TBC1D1: variants seen among roughly 807,000 people sequenced by gnomAD.
The protein encoded by TBC1D1 is TBC1 domain family member 1, also known as TBC1 (tre-2/USP6, BUB2, cdc16) domain family, member 1.
TBC1D1 carries 89 observed loss-of-function variants against 125.6 expected under a neutral mutation model. The ratio of observed to expected loss-of-function variants is 0.71; its 90% CI spans 0.60 to 0.85. The LOEUF (loss-of-function observed/expected upper bound fraction) is 0.85. Ranked by LOEUF, TBC1D1 falls within the 40% of genes least tolerant of loss-of-function variation. TBC1D1 has a pLI of 0.00. For synonymous variants in TBC1D1, 565 were observed against 564.1 expected (o/e 1.00, Z -0.02); for missense variants, 1,377 against 1,469.2 (o/e 0.94, Z 1.03).
At chr4:37,894,242 C>T (rs1714062708) in intron 1 of TBC1D1, among the ~76,000 whole-genome samples, 1 of 152,156 alleles carries the variant, frequency 6.6e-6, no homozygotes, top group Non-Finnish European at 1.5e-5. Flanking sequence ...CCGCCTTGGC[C>T]TCCCAAAGTG....
chr4:37,942,461 G>C (rs1007314443), intron 2 of TBC1D1, among the ~76,000 whole-genome samples: 1 of 152,026 alleles, frequency 6.6e-6, no homozygotes, highest in African/African-American at 2.4e-5. Context: ...ACACTGATGG[G>C]TCTTGACTCT....
chr4:38,074,827 T>C (rs940567504), intron 12 of TBC1D1, among the ~76,000 whole-genome samples: 2 of 151,606 alleles, frequency 1.3e-5, no homozygotes, highest in Non-Finnish European at 2.9e-5. Context: ...AGTGGCCCAA[T>C]CTTGGCTCGC....
chr4:38,087,002 A>G (rs1178886438), intron 12 of TBC1D1, among the ~76,000 whole-genome samples: 3 of 152,168 alleles, frequency 2.0e-5, no homozygotes, highest in African/African-American at 7.2e-5. Context: ...TGGCCAAGTT[A>G]TAAAACCTCA....
intron 17 of TBC1D1, 171 bp downstream of exon 19, chr4:38,118,363 T>G: frequency 1.5e-6 from 1 of 687,898 alleles, no homozygotes; most frequent in South Asian, 1.9e-5. Context: ...TTTGGAGTCC[T>G]CCTTAACTTC....
intron 2 of TBC1D1, among the ~76,000 whole-genome samples, chr4:37,968,692 G>A (rs977502271): frequency 6.6e-6 from 1 of 152,104 alleles, no homozygotes; most frequent in African/African-American, 2.4e-5. Context: ...CAAATACTCC[G>A]TCTTGTCACC....
chr4:38,131,021 A>G lies in TBC1D1; in HGVS notation c.3133-2063A>G, dbSNP rs114224695. ...TGACCAGGGTTCTCCTTTGACCACC[A>G]GCCTCATATTGCCATGGTTTGGGGT... is the stretch of plus-strand genomic sequence containing the variant. On this transcript the variant is annotated intron_variant, in intron 18 of 19. Coordinates refer to ENST00000261439, the MANE Select transcript of TBC1D1 (RefSeq NM_015173.4). Among the ~76,000 whole-genome samples, 980 of 152,262 alleles carry G rather than the reference A, an allele frequency of 6.4e-3. 10 individuals carry two copies. Among genetic ancestry groups the G allele is most frequent in the African/African-American group, 0.022 (917 of 41,554 alleles).
chr4:37,898,769 G>A (rs933117207), intron 1 of TBC1D1, among the ~76,000 whole-genome samples: 1 of 152,176 alleles, frequency 6.6e-6, no homozygotes, highest in Admixed American at 6.6e-5. Context: ...GCGGGCTAAC[G>A]TGTTAGTTTG....
chr4:38,121,602 C>G (rs1468274084), intron 17 of TBC1D1, among the ~76,000 whole-genome samples: 1 of 152,222 alleles, frequency 6.6e-6, no homozygotes, highest in Non-Finnish European at 1.5e-5. Context: ...GCTACTGCCT[C>G]ACTGCGCTGG....
chr4:38,018,508 T>G, intron 4 of TBC1D1, 65 bp downstream of exon 4: 2 of 1,043,660 alleles, frequency 1.9e-6, no homozygotes, highest in Non-Finnish European at 2.9e-6. Flanking sequence ...CTATAATATC[T>G]ATCATGTAAC....
chr4:38,115,677 T>C (rs537383862), intron 15 of TBC1D1, 33 bp from the exon 18 acceptor site: 1 of 1,574,440 alleles, frequency 6.4e-7, no homozygotes, highest in South Asian at 1.2e-5. Flanking sequence ...TTTTTGTTTT[T>C]ATTATTACAA....
intron 13 of TBC1D1, among the ~76,000 whole-genome samples, chr4:38,094,754 G>A (rs1429767891): frequency 6.6e-6 from 1 of 152,054 alleles, no homozygotes; most frequent in African/African-American, 2.4e-5. Context: ...AGGAACGTAC[G>A]TTGGCATCCA....
chr4:37,986,242 C>T (rs1216745962), intron 2 of TBC1D1, among the ~76,000 whole-genome samples: 1 of 151,980 alleles, frequency 6.6e-6, no homozygotes, highest in Non-Finnish European at 1.5e-5. Context: ...GAACTGACAC[C>T]CAGAGCGATG....
At chr4:37,972,503 T>C (rs1022397524) in intron 2 of TBC1D1, among the ~76,000 whole-genome samples, 6 of 136,124 alleles carry the variant, frequency 4.4e-5, no homozygotes, top group Non-Finnish European at 9.5e-5. Context: ...AAAAAAAAGA[T>C]TACTGATGCC....
chr4:37,965,296 T>A (rs1336828489), intron 2 of TBC1D1, among the ~76,000 whole-genome samples: 1 of 152,202 alleles, frequency 6.6e-6, no homozygotes, highest in African/African-American at 2.4e-5. Flanking sequence ...CTGTAAATGC[T>A]TTGAACCATG....
Position 38,027,896 on chromosome 4 carries a change from A to C in TBC1D1, c.1302+17A>C. 3 of 1,537,272 alleles carry C rather than the reference A, an allele frequency of 2.0e-6. No homozygotes were observed. The highest frequency in any genetic ancestry group is 2.3e-5 in the East Asian group (1 of 42,966). ...GAGGTTCAGGTACAGTACAGTTGCT[A>C]ATTTCTAGAAGGAAAGAAAAGGCAG... On this transcript the variant is annotated intron_variant, in intron 7 of 19. Transcript: ENST00000261439.
chr4:38,005,558 G>A (rs1312724687), intron 2 of TBC1D1, among the ~76,000 whole-genome samples: 1 of 152,144 alleles, frequency 6.6e-6, no homozygotes, highest in Non-Finnish European at 1.5e-5. Flanking sequence ...GCCTCCTGGG[G>A]GATATCTCTG....
At chr4:38,052,149 A>G in intron 11 of TBC1D1, 89 bp downstream of exon 12, 1 of 1,349,464 alleles carries the variant, frequency 7.4e-7, no homozygotes. Flanking sequence ...GGGAATGTCC[A>G]TGCAGGAAGC....
At chr4:37,935,217 C>T (rs1297099153) in intron 2 of TBC1D1, among the ~76,000 whole-genome samples, 1 of 152,148 alleles carries the variant, frequency 6.6e-6, no homozygotes, top group East Asian at 1.9e-4. Flanking sequence ...AGGGTCATCT[C>T]GCTACTCCCA....
Position 37,960,908 on chromosome 4 carries a change from G to A in TBC1D1, c.418-53601G>A, listed in dbSNP as rs138267785. ...ATGAGGAGGGAGAGCTTGAAAAGCT[G>A]TTTCAGCTGGGCCCCCCTTCACCTG... On this transcript the variant is annotated intron_variant, in intron 2 of 19. Coordinates refer to ENST00000261439, the MANE Select transcript of TBC1D1 (RefSeq NM_015173.4). 4 of 1,614,184 alleles carry A rather than the reference G, an allele frequency of 2.5e-6. No individual in the cohort carries two copies. The African/African-American group carries it at 4.0e-5, about 16-fold the overall frequency.
Sources: allele counts gnomAD v4.1 joint callset (sites outside exome capture counted in the v4.1 genomes callset), GRCh38; gene constraint gnomAD v4.1.1; transcripts MANE v1.5; gene names NCBI Gene and HGNC (gene_info 2026-07-23, HGNC 2026-07-21).